Variants in ATP2B2 observed in about 807,000 individuals in gnomAD.
ATP2B2 encodes the protein ATPase plasma membrane Ca2+ transporting 2.
A neutral mutation model predicts 120.0 loss-of-function variants in ATP2B2; 15 were observed. The observed-to-expected ratio is 0.12, with a 90% CI of 0.08 to 0.19. The LOEUF (loss-of-function observed/expected upper bound fraction) is 0.19. ATP2B2 is among the 10% of genes least tolerant of loss of function. ATP2B2 has a pLI of 1.00. For missense variants in ATP2B2, 1,045 were observed against 1,719.8 expected (o/e 0.61, Z 6.94); for synonymous variants, 694 against 700.3 (o/e 0.99, Z 0.14).
intron 1 of ATP2B2, among the ~76,000 whole-genome samples, chr3:10,653,182 C>G (rs1183701963): frequency 6.6e-6 from 1 of 152,120 alleles, no homozygotes; most frequent in East Asian, 1.9e-4. Flanking sequence ...CTAAGGCAAG[C>G]CCCAGAGCAG....
intron 1 of ATP2B2, among the ~76,000 whole-genome samples, chr3:10,470,471 G>A (rs2064937637): frequency 6.6e-6 from 1 of 152,126 alleles, no homozygotes; most frequent in African/African-American, 2.4e-5. Flanking sequence ...AATGAGTTAA[G>A]TACAGGACTG....
chr3:10,447,999 C>G (rs906153038), intron 2 of ATP2B2, among the ~76,000 whole-genome samples: 1 of 152,244 alleles, frequency 6.6e-6, no homozygotes, highest in African/African-American at 2.4e-5. Flanking sequence ...CAAAGAGGGA[C>G]ACAGACAGCT....
intron 9 of ATP2B2, 120 bp downstream of exon 9, chr3:10,379,123 C>A: frequency 8.2e-7 from 1 of 1,223,760 alleles, no homozygotes. Flanking sequence ...TCGTCAGACA[C>A]CTGTAGGAGT....
chr3:10,639,967 G>A (rs916788324), intron 1 of ATP2B2, among the ~76,000 whole-genome samples: 25 of 152,192 alleles, frequency 1.6e-4, no homozygotes, highest in African/African-American at 6.0e-4. Flanking sequence ...TACTGACAGA[G>A]GGGGCCGTAC....
At chr3:10,396,418 C>A (rs2062038763) in intron 5 of ATP2B2, among the ~76,000 whole-genome samples, 1 of 152,244 alleles carries the variant, frequency 6.6e-6, no homozygotes. Context: ...GTGTTTCCTG[C>A]CCTCTTCTAA....
intron 1 of ATP2B2, among the ~76,000 whole-genome samples, chr3:10,700,869 G>A (rs959268761): frequency 2.6e-5 from 4 of 152,210 alleles, no homozygotes; most frequent in Non-Finnish European, 5.9e-5. Context: ...TGCCTTGATT[G>A]CCAAGAGAAG....
At chr3:10,412,213 A>C (rs1559304288) in intron 2 of ATP2B2, among the ~76,000 whole-genome samples, 2 of 152,100 alleles carry the variant, frequency 1.3e-5, no homozygotes, top group East Asian at 3.9e-4. Context: ...TCCCCTCCTA[A>C]ACTCCCTGGT....
At chr3:10,391,070 C>T (rs916344585) in intron 5 of ATP2B2, among the ~76,000 whole-genome samples, 2 of 152,252 alleles carry the variant, frequency 1.3e-5, no homozygotes, top group East Asian at 1.9e-4. Flanking sequence ...AGGAACACTA[C>T]GCTGCATTCA....
chr3:10,404,956 G>C (rs1406030742), intron 3 of ATP2B2, among the ~76,000 whole-genome samples: 1 of 152,162 alleles, frequency 6.6e-6, no homozygotes, highest in Non-Finnish European at 1.5e-5. Flanking sequence ...CCTGCTGTGT[G>C]CTTCCTCAAT....
At chr3:10,603,265 C>G (rs1005249894) in intron 2 of ATP2B2, among the ~76,000 whole-genome samples, 6 of 152,220 alleles carry the variant, frequency 3.9e-5, no homozygotes, top group Admixed American at 2.6e-4. Context: ...TCTAAAATGC[C>G]TAGCACGGTG....
chr3:10,355,835 A>T (rs1380374462), intron 14 of ATP2B2, among the ~76,000 whole-genome samples: 2 of 47,596 alleles, frequency 4.2e-5, no homozygotes, highest in Admixed American at 2.6e-4. Flanking sequence ...GCACTTTGGG[A>T]GGCCGAGGCG....
At chr3:10,557,144 G>A (rs2125523076) in intron 2 of ATP2B2, among the ~76,000 whole-genome samples, 1 of 152,290 alleles carries the variant, frequency 6.6e-6, no homozygotes, top group East Asian at 1.9e-4. Context: ...TCCCAGCCTT[G>A]GTCTCTGCTC....
intron 12 of ATP2B2, among the ~76,000 whole-genome samples, chr3:10,363,243 T>C (rs1390162547): frequency 6.6e-6 from 1 of 152,262 alleles, no homozygotes; most frequent in East Asian, 1.9e-4. Flanking sequence ...TCCCCTTTTC[T>C]CTTCTGGCTT....
intron 2 of ATP2B2, among the ~76,000 whole-genome samples, chr3:10,564,230 C>A (rs1222831975): frequency 6.6e-6 from 1 of 152,224 alleles, no homozygotes; most frequent in Non-Finnish European, 1.5e-5. Flanking sequence ...CTGGCAGCAA[C>A]CTTCTTCTGT....
intron 2 of ATP2B2, among the ~76,000 whole-genome samples, chr3:10,535,611 A>T (rs79139327): frequency 6.6e-6 from 1 of 152,166 alleles, no homozygotes; most frequent in East Asian, 1.9e-4. Flanking sequence ...ATATAAATGG[A>T]GTCATGTGGT....
chr3:10,408,817 T>C (rs748562956), intron 3 of ATP2B2, among the ~76,000 whole-genome samples: 5 of 152,164 alleles, frequency 3.3e-5, no homozygotes, highest in African/African-American at 4.8e-5. Context: ...TGAGTTCTAA[T>C]CTTGTACTGA....
At chr3:10,492,458 C>T (rs1340741141) in intron 1 of ATP2B2, among the ~76,000 whole-genome samples, 1 of 152,192 alleles carries the variant, frequency 6.6e-6, no homozygotes, top group Non-Finnish European at 1.5e-5. Flanking sequence ...AGTGCTCTTC[C>T]TCCCTTGGAG....
At chr3:10,561,408 T>TA (rs1441875960) in intron 2 of ATP2B2, among the ~76,000 whole-genome samples, 2 of 152,210 alleles carry the variant, frequency 1.3e-5, no homozygotes, top group African/African-American at 4.8e-5. Flanking sequence ...CCCTGGCATT[T>TA]AAATAAGTGA....
chr3:10,525,363 C>T (rs929122489), intron 3 of ATP2B2, among the ~76,000 whole-genome samples: 4 of 152,152 alleles, frequency 2.6e-5, no homozygotes, highest in Non-Finnish European at 5.9e-5. Context: ...CTTGAAATAA[C>T]CTTTTTGTTT....
Sources: gnomAD v4.1 joint callset for allele counts (sites outside exome capture counted in the v4.1 genomes callset) on GRCh38, gnomAD v4.1.1 for gene constraint, MANE v1.5 for transcripts, NCBI Gene and HGNC (gene_info 2026-07-23, HGNC 2026-07-21) for gene names.